The following RIMS2 variants were observed in gnomAD, a reference collection of about 807,000 sequenced individuals.
RIMS2 encodes the protein regulating synaptic membrane exocytosis protein 2.
RIMS2 carries 59 observed loss-of-function variants against 174.4 expected under a neutral mutation model. The observed-to-expected ratio is 0.34, with a 90% confidence interval of 0.27 to 0.42. The LOEUF (loss-of-function observed/expected upper bound fraction) is 0.42. RIMS2 is among the 10% of genes least tolerant of loss of function. RIMS2 has a pLI of 1.00. For synonymous variants in RIMS2, 606 were observed against 572.5 expected (o/e 1.06, Z -0.84); for missense variants, 1,620 against 1,666.3 (o/e 0.97, Z 0.48).
At chr8:103,696,819 C>T (rs992082988) in intron 1 of RIMS2, among the ~76,000 whole-genome samples, 2 of 133,792 alleles carry the variant, frequency 1.5e-5, no homozygotes, top group African/African-American at 5.7e-5. Context: ...GCCAAGATCG[C>T]GTCACTGCAC....
chr8:103,527,781 A>G (rs1834815280), intron 1 of RIMS2, among the ~76,000 whole-genome samples: 1 of 152,228 alleles, frequency 6.6e-6, no homozygotes, highest in Non-Finnish European at 1.5e-5. Flanking sequence ...TTCTCAATCC[A>G]GTCTATCAGT....
intron 19 of RIMS2, among the ~76,000 whole-genome samples, chr8:104,102,773 C>G (rs994854871): frequency 6.6e-6 from 1 of 152,066 alleles, no homozygotes; most frequent in Non-Finnish European, 1.5e-5. Flanking sequence ...TTCACTATCA[C>G]GAGAGCAGCA....
intron 19 of RIMS2, among the ~76,000 whole-genome samples, chr8:104,058,756 G>T (rs1187975866): frequency 6.6e-6 from 1 of 152,148 alleles, no homozygotes; most frequent in Non-Finnish European, 1.5e-5. Context: ...TAAGGCGTAA[G>T]GAAGGGATCC....
chr8:103,767,554 G>T (rs369493494), intron 3 of RIMS2, among the ~76,000 whole-genome samples: 1 of 152,232 alleles, frequency 6.6e-6, no homozygotes. Context: ...TATTTCTGTT[G>T]CCCAGAAGTA....
At chr8:104,135,378 C>T (rs1415884489) in intron 19 of RIMS2, among the ~76,000 whole-genome samples, 3 of 152,030 alleles carry the variant, frequency 2.0e-5, no homozygotes, top group African/African-American at 4.8e-5. Flanking sequence ...AGGCAGATGG[C>T]TCAAGCCCAG....
intron 19 of RIMS2, among the ~76,000 whole-genome samples, chr8:104,173,613 ATTTTTTTTTTTTTTTT>A (rs71297262): frequency 1.8e-5 from 1 of 54,236 alleles, no homozygotes; most frequent in Non-Finnish European, 3.0e-5. Flanking sequence ...AGCTCTTCTG[ATTTTTTTTTTTTTTTT>A]TTTTTTTTTT....
At chr8:103,535,379 A>G (rs146489751) in intron 1 of RIMS2, among the ~76,000 whole-genome samples, 11 of 152,356 alleles carry the variant, frequency 7.2e-5, no homozygotes, top group East Asian at 5.8e-4. Flanking sequence ...TGACTCTGAT[A>G]TTAGAAACTA....
intron 1 of RIMS2, among the ~76,000 whole-genome samples, chr8:103,558,513 C>T (rs572548909): frequency 2.6e-5 from 4 of 152,296 alleles, no homozygotes; most frequent in South Asian, 2.1e-4. Flanking sequence ...CATGAGCCAC[C>T]GTGCCTGCCC....
At chr8:103,571,446 T>A (rs1055549460) in intron 1 of RIMS2, among the ~76,000 whole-genome samples, 3 of 152,104 alleles carry the variant, frequency 2.0e-5, no homozygotes, top group African/African-American at 7.2e-5. Context: ...CAACTAGGAG[T>A]ATAGAATAAA....
chr8:104,205,170 A>G (rs1563744109), intron 19 of RIMS2, among the ~76,000 whole-genome samples: 1 of 152,172 alleles, frequency 6.6e-6, no homozygotes, highest in Non-Finnish European at 1.5e-5. Flanking sequence ...TGAAAACTAT[A>G]CCTTTTTCCC....
chr8:103,799,495 T>C (rs575290720), intron 3 of RIMS2, among the ~76,000 whole-genome samples: 9 of 152,278 alleles, frequency 5.9e-5, no homozygotes, highest in African/African-American at 1.9e-4. Context: ...AGATGTATAA[T>C]TAATGTGGCA....
At chr8:103,645,759 C>T (rs530752729) in intron 1 of RIMS2, among the ~76,000 whole-genome samples, 1 of 152,090 alleles carries the variant, frequency 6.6e-6, no homozygotes, top group South Asian at 2.1e-4. Context: ...CCCTTAATTT[C>T]CCGAATATTG....
chr8:104,014,938 T>C (rs894482604), intron 19 of RIMS2, among the ~76,000 whole-genome samples: 1 of 152,180 alleles, frequency 6.6e-6, no homozygotes, highest in Admixed American at 6.5e-5. Context: ...TTGATAGTTA[T>C]ATAAAGTTTA....
chr8:103,524,008 T>C (rs1028857051), intron 1 of RIMS2, among the ~76,000 whole-genome samples: 6 of 152,176 alleles, frequency 3.9e-5, no homozygotes, highest in Admixed American at 2.6e-4. Flanking sequence ...GTAGTGTTTG[T>C]GGAAAATATT....
intron 19 of RIMS2, among the ~76,000 whole-genome samples, chr8:104,235,367 T>C (rs2099252794): frequency 6.6e-6 from 1 of 152,118 alleles, no homozygotes; most frequent in Admixed American, 6.6e-5. Context: ...ACTGTGTGAA[T>C]TGGGCACTTT....
intron 6 of RIMS2, among the ~76,000 whole-genome samples, chr8:103,914,725 A>G (rs2076345974): frequency 6.6e-6 from 1 of 152,142 alleles, no homozygotes; most frequent in East Asian, 1.9e-4. Flanking sequence ...GAAGAGAAAA[A>G]CCAATTCATT....
At chr8:103,643,267 C>T (rs749317056) in intron 1 of RIMS2, among the ~76,000 whole-genome samples, 42 of 151,992 alleles carry the variant, frequency 2.8e-4, no homozygotes, top group African/African-American at 5.1e-4. Flanking sequence ...TTGATTCACT[C>T]GTAGAGTTTC....
chr8:104,014,119 T>TA (rs2095839282), intron 18 of RIMS2, among the ~76,000 whole-genome samples: 1 of 152,140 alleles, frequency 6.6e-6, no homozygotes, highest in African/African-American at 2.4e-5. Flanking sequence ...TAAGCCTGAG[T>TA]AAAAATCTCT....
chr8:103,968,888 A>C (rs1054682197), intron 15 of RIMS2, among the ~76,000 whole-genome samples: 12 of 151,586 alleles, frequency 7.9e-5, no homozygotes, highest in African/African-American at 2.9e-4. Flanking sequence ...ATTTCTTGTA[A>C]TATTGTTCTA....
Sources: allele counts gnomAD v4.1 joint callset (sites outside exome capture counted in the v4.1 genomes callset), GRCh38; gene constraint gnomAD v4.1.1; transcripts MANE v1.5; gene names NCBI Gene and HGNC (gene_info 2026-07-23, HGNC 2026-07-21).